Variants in CCDC91 observed in about 807,000 individuals in gnomAD.
CCDC91 encodes the protein coiled-coil domain containing 91.
In CCDC91, 48 loss-of-function variants were observed where a neutral mutation model predicts 63.2. That is an observed-to-expected ratio of 0.76 (90% CI 0.60 to 0.97). CCDC91 has a LOEUF of 0.97. Among genes scored for constraint, CCDC91 ranks in the 50% least tolerant of loss-of-function variants. The pLI is 0.00. For missense variants in CCDC91, 500 were observed against 494.6 expected, an observed-to-expected ratio of 1.01 and a Z score of -0.10; for synonymous variants, 167 against 165.8, an observed-to-expected ratio of 1.01 and a Z score of -0.06.
chr12:28,514,974 G>A (rs576056432), intron 12 of CCDC91, among the ~76,000 whole-genome samples: 23 of 151,828 alleles, frequency 1.5e-4, no homozygotes, highest in Admixed American at 1.3e-3. Context: ...CATGACAAAA[G>A]TTGACCTATG....
chr12:28,476,421 C>T (rs970344836), intron 11 of CCDC91, among the ~76,000 whole-genome samples: 55 of 151,924 alleles, frequency 3.6e-4, no homozygotes, highest in African/African-American at 1.2e-3. Flanking sequence ...TTGAAACCAG[C>T]GAGAACAAAG....
intron 3 of CCDC91, among the ~76,000 whole-genome samples, chr12:28,291,709 TAAGAGAAGACA>T (rs1314005665): frequency 6.6e-6 from 1 of 152,216 alleles, no homozygotes. Context: ...TTGCATAGAA[TAAGAGAAGACA>T]ACACTTCAAA....
At chr12:28,241,166 G>C (rs2135956203) in intron 1 of CCDC91, among the ~76,000 whole-genome samples, 1 of 152,096 alleles carries the variant, frequency 6.6e-6, no homozygotes, top group East Asian at 1.9e-4. Context: ...CTTTTTATTT[G>C]CTTAGTTGCT....
At chr12:28,449,465 C>T (rs535069715) in intron 8 of CCDC91, among the ~76,000 whole-genome samples, 50 of 152,098 alleles carry the variant, frequency 3.3e-4, no homozygotes, top group Non-Finnish European at 6.6e-4. Context: ...ATTGGAGATA[C>T]TGAGGCTGCA....
At chr12:28,323,044 A>G (rs1374189487) in intron 6 of CCDC91, among the ~76,000 whole-genome samples, 1 of 151,266 alleles carries the variant, frequency 6.6e-6, no homozygotes, top group Non-Finnish European at 1.5e-5. Flanking sequence ...AAGAACCTTT[A>G]TATATTAGGA....
intron 8 of CCDC91, among the ~76,000 whole-genome samples, chr12:28,426,403 A>T (rs1948319131): frequency 6.6e-6 from 1 of 152,180 alleles, no homozygotes; most frequent in African/African-American, 2.4e-5. Context: ...TACTTGAAAT[A>T]GTTCTGCTTC....
chr12:28,502,240 G>T (rs1055869308), intron 12 of CCDC91, among the ~76,000 whole-genome samples: 3 of 151,756 alleles, frequency 2.0e-5, no homozygotes, highest in African/African-American at 7.3e-5. Context: ...AAAGTCTCAG[G>T]ATACAAAATC....
At chr12:28,455,650 G>C (rs922784806) in intron 11 of CCDC91, among the ~76,000 whole-genome samples, 1 of 151,488 alleles carries the variant, frequency 6.6e-6, no homozygotes, top group African/African-American at 2.4e-5. Flanking sequence ...TATTAAGTTA[G>C]TTTAGCTAAA....
intron 12 of CCDC91, among the ~76,000 whole-genome samples, chr12:28,528,093 T>C (rs1324372131): frequency 6.6e-6 from 1 of 152,182 alleles, no homozygotes; most frequent in Non-Finnish European, 1.5e-5. Context: ...GCTGGATTCA[T>C]GCCCTCTTCA....
At chr12:28,523,462 G>A (rs565822284) in intron 12 of CCDC91, among the ~76,000 whole-genome samples, 18 of 152,080 alleles carry the variant, frequency 1.2e-4, no homozygotes, top group South Asian at 4.1e-4. Context: ...TTGAGCCTAT[G>A]TGTGTCTCTG....
chr12:28,511,590 G>A (rs1269379371), intron 12 of CCDC91, among the ~76,000 whole-genome samples: 1 of 151,886 alleles, frequency 6.6e-6, no homozygotes, highest in East Asian at 1.9e-4. Context: ...TGGATAGTTT[G>A]TAGGCACTCA....
At chr12:28,545,164 A>G (rs1392864687) in intron 12 of CCDC91, among the ~76,000 whole-genome samples, 3 of 151,972 alleles carry the variant, frequency 2.0e-5, no homozygotes, top group Non-Finnish European at 4.4e-5. Context: ...TGCCACCACT[A>G]CTCTGGACAT....
intron 12 of CCDC91, among the ~76,000 whole-genome samples, chr12:28,526,908 C>T (rs1186735820): frequency 6.6e-6 from 1 of 151,808 alleles, no homozygotes; most frequent in Non-Finnish European, 1.5e-5. Context: ...CTGAGATTTT[C>T]CAGAGCATTT....
chr12:28,444,292 G>T (rs184969466), intron 8 of CCDC91, among the ~76,000 whole-genome samples: 1 of 152,066 alleles, frequency 6.6e-6, no homozygotes, highest in Admixed American at 6.6e-5. Flanking sequence ...GCATAGTTAC[G>T]ATAATTTAGA....
chr12:28,500,532 A>G (rs1937689689), intron 12 of CCDC91, among the ~76,000 whole-genome samples: 1 of 151,840 alleles, frequency 6.6e-6, no homozygotes, highest in South Asian at 2.1e-4. Context: ...GGCTTCTGCC[A>G]AAAATAAATA....
At chr12:28,325,294 T>C (rs1208184224) in intron 6 of CCDC91, among the ~76,000 whole-genome samples, 1 of 152,096 alleles carries the variant, frequency 6.6e-6, no homozygotes, top group Non-Finnish European at 1.5e-5. Context: ...TTAGGAGGTC[T>C]GAATGTACTT....
chr12:28,443,704 G>A (rs376799712), intron 8 of CCDC91, among the ~76,000 whole-genome samples: 62 of 152,218 alleles, frequency 4.1e-4, no homozygotes, highest in South Asian at 8.3e-4. Context: ...GCCACTATTA[G>A]CATGTACTCT....
intron 3 of CCDC91, among the ~76,000 whole-genome samples, chr12:28,280,835 G>C (rs1235741923): frequency 1.4e-5 from 2 of 148,122 alleles, no homozygotes; most frequent in African/African-American, 4.9e-5. Flanking sequence ...AAAAAAGCCA[G>C]GTATGGTGGC....
intron 12 of CCDC91, among the ~76,000 whole-genome samples, chr12:28,506,502 A>C (rs1938732208): frequency 6.6e-6 from 1 of 151,986 alleles, no homozygotes; most frequent in Admixed American, 6.6e-5. Context: ...TTAATTCCCC[A>C]ATGGAATTCA....
Sources: allele counts gnomAD v4.1 joint callset (sites outside exome capture counted in the v4.1 genomes callset), GRCh38; gene constraint gnomAD v4.1.1; transcripts MANE v1.5; gene names NCBI Gene and HGNC (gene_info 2026-07-23, HGNC 2026-07-21).